LOC128706665: variants seen among roughly 807,000 people sequenced by gnomAD.
the LOC128706665 span, among the ~76,000 whole-genome samples, chr20:10,426,124 A>T: frequency 6.6e-6 from 1 of 152,224 alleles, no homozygotes; most frequent in Non-Finnish European, 1.5e-5. Context: ...CTTTCATAGC[A>T]ACTTTATGAG....
the LOC128706665 span, among the ~76,000 whole-genome samples, chr20:10,433,793 G>A: frequency 6.6e-5 from 10 of 152,254 alleles, no homozygotes; most frequent in Non-Finnish European, 1.5e-4. Context: ...GGAGTCACAG[G>A]TTCGGCGTAG....
chr20:10,415,476 G>GCAAT, the LOC128706665 span, among the ~76,000 whole-genome samples: 1 of 152,160 alleles, frequency 6.6e-6, no homozygotes, highest in Non-Finnish European at 1.5e-5. Flanking sequence ...CAAATAAAGG[G>GCAAT]CAATGATGGT....
At chr20:10,418,653 C>A in the LOC128706665 span, among the ~76,000 whole-genome samples, 3 of 152,092 alleles carry the variant, frequency 2.0e-5, no homozygotes, top group East Asian at 3.9e-4. Flanking sequence ...AGAGGAGATT[C>A]TTTTCTCAGC....
At chr20:10,430,510 C>G in the LOC128706665 span, among the ~76,000 whole-genome samples, 1 of 152,154 alleles carries the variant, frequency 6.6e-6, no homozygotes, top group African/African-American at 2.4e-5. Context: ...TGTAGTATAG[C>G]AAGAACTGGA....
chr20:10,417,019 T>C, the LOC128706665 span, among the ~76,000 whole-genome samples: 1 of 152,074 alleles, frequency 6.6e-6, no homozygotes. Context: ...GCAATGATAA[T>C]GAATAGTCGC....
At chr20:10,431,121 A>T in the LOC128706665 span, among the ~76,000 whole-genome samples, 12 of 152,176 alleles carry the variant, frequency 7.9e-5, no homozygotes, top group Non-Finnish European at 1.6e-4. Context: ...CACGGCAGCC[A>T]TTACTTTTAT....
the LOC128706665 span, among the ~76,000 whole-genome samples, chr20:10,429,771 C>A: frequency 6.6e-6 from 1 of 152,170 alleles, no homozygotes; most frequent in Admixed American, 6.5e-5. Flanking sequence ...CCTCACATGA[C>A]CTCCTTGCTT....
At chr20:10,429,663 A>T in the LOC128706665 span, among the ~76,000 whole-genome samples, 1 of 152,068 alleles carries the variant, frequency 6.6e-6, no homozygotes, top group Non-Finnish European at 1.5e-5. Flanking sequence ...CCTTTTCCTC[A>T]TGCTCCTCAT....
the LOC128706665 span, among the ~76,000 whole-genome samples, chr20:10,426,152 G>C: frequency 1.3e-5 from 2 of 152,158 alleles, no homozygotes; most frequent in Non-Finnish European, 2.9e-5. Context: ...TATAAATGAA[G>C]AAACATTAAA....
the LOC128706665 span, among the ~76,000 whole-genome samples, chr20:10,421,407 A>T: frequency 2.2e-5 from 3 of 138,752 alleles, no homozygotes; most frequent in South Asian, 7.1e-4. Context: ...ACAGAATGAG[A>T]CTCCATCACA....
the LOC128706665 span, chr20:10,431,781 T>C: frequency 1.3e-5 from 2 of 152,226 alleles, no homozygotes; most frequent in African/African-American, 2.4e-5. Flanking sequence ...CTCTGCTATA[T>C]TCCTAGTGCG....
the LOC128706665 span, among the ~76,000 whole-genome samples, chr20:10,419,897 G>T: frequency 6.6e-6 from 1 of 152,180 alleles, no homozygotes; most frequent in Non-Finnish European, 1.5e-5. Flanking sequence ...TTGACTGCAG[G>T]TAACTGAAAC....
the LOC128706665 span, among the ~76,000 whole-genome samples, chr20:10,427,072 A>G: frequency 3.7e-5 from 5 of 136,818 alleles, no homozygotes; most frequent in African/African-American, 1.0e-4. Context: ...ACACACACAC[A>G]CACACACAAA....
the LOC128706665 span, among the ~76,000 whole-genome samples, chr20:10,432,789 CAAAAAAAAAAAAA>C: frequency 1.3e-5 from 1 of 74,590 alleles, no homozygotes; most frequent in Non-Finnish European, 2.5e-5. Flanking sequence ...GACTCTTTGT[CAAAAAAAAAAAAA>C]AAAAAAAAAA....
chr20:10,417,699 A>G, the LOC128706665 span, among the ~76,000 whole-genome samples: 1 of 152,234 alleles, frequency 6.6e-6, no homozygotes, highest in African/African-American at 2.4e-5. Flanking sequence ...ATCATCATCA[A>G]AAGTGGATCA....
chr20:10,433,836 C>A, the LOC128706665 span, among the ~76,000 whole-genome samples: 7 of 152,076 alleles, frequency 4.6e-5, no homozygotes, highest in Non-Finnish European at 8.8e-5. Flanking sequence ...CGTGGTGAGG[C>A]GCCACTCCTC....
the LOC128706665 span, among the ~76,000 whole-genome samples, chr20:10,416,300 T>C: frequency 6.6e-6 from 1 of 152,266 alleles, no homozygotes; most frequent in East Asian, 1.9e-4. Flanking sequence ...AATGGAGTTC[T>C]TTGGCAAAAA....
the LOC128706665 span, among the ~76,000 whole-genome samples, chr20:10,414,265 CTTT>C: frequency 2.3e-5 from 3 of 132,322 alleles, no homozygotes; most frequent in Admixed American, 7.8e-5. Flanking sequence ...GTCTCTGAGT[CTTT>C]TTTTTTTTTT....
chr20:10,429,305 T>C, the LOC128706665 span, among the ~76,000 whole-genome samples: 1 of 152,196 alleles, frequency 6.6e-6, no homozygotes, highest in East Asian at 1.9e-4. Flanking sequence ...TGTTCCTTCT[T>C]AGTCTCCTTT....
Sources: gnomAD v4.1 joint callset for allele counts (sites outside exome capture counted in the v4.1 genomes callset) on GRCh38, gnomAD v4.1.1 for gene constraint, MANE v1.5 for transcripts.